EXOC6B: variants seen among roughly 807,000 people sequenced by gnomAD.
The protein encoded by EXOC6B is exocyst complex component 6B.
Under a neutral mutation model 113.5 loss-of-function variants are expected in EXOC6B, and 54 were observed. The observed-to-expected ratio is 0.48, with a 90% confidence interval of 0.38 to 0.60. The LOEUF (loss-of-function observed/expected upper bound fraction) is 0.60, where lower values mean the gene tolerates loss of function less well. Ranked by LOEUF, EXOC6B falls within the 20% of genes least tolerant of loss-of-function variation. The pLI is 0.00. For synonymous variants in EXOC6B, 357 were observed against 339.0 expected (o/e 1.05, Z -0.58); for missense variants, 797 against 977.5 (o/e 0.82, Z 2.46).
At chr2:72,642,521 C>T (rs1673336025) in intron 6 of EXOC6B, among the ~76,000 whole-genome samples, 1 of 148,314 alleles carries the variant, frequency 6.7e-6, no homozygotes, top group Admixed American at 6.8e-5. Context: ...GGAAAGGATT[C>T]CCTATTTAAT....
chr2:72,772,687 A>T (rs543222245), intron 1 of EXOC6B, among the ~76,000 whole-genome samples: 3 of 152,304 alleles, frequency 2.0e-5, no homozygotes, highest in African/African-American at 7.2e-5. Flanking sequence ...CCCAGGGACC[A>T]GGCCAGCCTA....
chr2:72,461,080 T>C (rs951301228), intron 18 of EXOC6B, among the ~76,000 whole-genome samples: 2 of 151,036 alleles, frequency 1.3e-5, no homozygotes, highest in African/African-American at 4.9e-5. Context: ...AAACTGGAAA[T>C]CATCATTCTC....
chr2:72,313,152 G>T (rs1687306163), intron 20 of EXOC6B, among the ~76,000 whole-genome samples: 1 of 151,968 alleles, frequency 6.6e-6, no homozygotes. Flanking sequence ...AACAATAGGG[G>T]TAACACATGG....
intron 19 of EXOC6B, among the ~76,000 whole-genome samples, chr2:72,346,738 TC>T (rs931605667): frequency 4.6e-5 from 7 of 152,276 alleles, no homozygotes; most frequent in Non-Finnish European, 1.0e-4. Context: ...AATATGTGGT[TC>T]CTTATGAAGG....
intron 20 of EXOC6B, among the ~76,000 whole-genome samples, chr2:72,277,234 T>C (rs1684857321): frequency 1.3e-5 from 2 of 152,178 alleles, no homozygotes; most frequent in African/African-American, 2.4e-5. Context: ...ATAAATTTTA[T>C]AAAAAAGTCC....
chr2:72,741,354 C>T lies in EXOC6B; in HGVS notation c.229G>A (p.Asp77Asn). Residue 77 changes from aspartate to asparagine, a missense_variant, in exon 2 of 22, where the codon GAC becomes AAC. By Grantham distance (23) the Asp-to-Asn change is conservative. Transcript: ENST00000272427. ...ACTTTCAGCAGTTCAGTTATAGAGT[C>T]CACAAAGCCCTGGTAATGAAAGTTG... ...MCNFHYQGFV[D>N]SITELLKVRG... 1 of 1,613,780 alleles carries T rather than the reference C, an allele frequency of 6.2e-7. No individual in the cohort carries two copies. Among genetic ancestry groups the T allele is most frequent in the Non-Finnish European group, 8.5e-7 (1 of 1,179,840 alleles).
chr2:72,525,795 G>A (rs1701721928), intron 8 of EXOC6B, among the ~76,000 whole-genome samples: 1 of 151,958 alleles, frequency 6.6e-6, no homozygotes, highest in African/African-American at 2.4e-5. Context: ...TTCTTCAGCG[G>A]TCCATAACAT....
chr2:72,306,528 A>C (rs1686868835), intron 20 of EXOC6B, among the ~76,000 whole-genome samples: 1 of 152,156 alleles, frequency 6.6e-6, no homozygotes, highest in Non-Finnish European at 1.5e-5. Context: ...ACTTTTCTCA[A>C]CTGTTAGATA....
chr2:72,327,208 TG>T (rs1440386762), intron 20 of EXOC6B, among the ~76,000 whole-genome samples: 3 of 152,046 alleles, frequency 2.0e-5, no homozygotes, highest in African/African-American at 7.2e-5. Flanking sequence ...CACATACAAT[TG>T]TGCAAAGAAC....
At chr2:72,202,715 A>C (rs187741067) in intron 20 of EXOC6B, among the ~76,000 whole-genome samples, 81 of 152,354 alleles carry the variant, frequency 5.3e-4, no homozygotes, top group Middle Eastern at 3.4e-3. Context: ...CTAAGGTGAC[A>C]CTGAAAAATC....
chr2:72,565,384 T>C (rs1704108005), intron 7 of EXOC6B, among the ~76,000 whole-genome samples: 1 of 137,610 alleles, frequency 7.3e-6, no homozygotes, highest in Non-Finnish European at 1.5e-5. Flanking sequence ...AGCTGAACAC[T>C]GGTGAAACAA....
intron 6 of EXOC6B, among the ~76,000 whole-genome samples, chr2:72,650,604 A>G (rs1674089680): frequency 2.8e-5 from 1 of 36,024 alleles, no homozygotes; most frequent in African/African-American, 7.0e-5. Flanking sequence ...AAAGAAAGGA[A>G]AAGAAAAGAA....
chr2:72,505,771 C>A (rs965566958), intron 11 of EXOC6B, among the ~76,000 whole-genome samples: 2 of 152,046 alleles, frequency 1.3e-5, no homozygotes, highest in Admixed American at 6.6e-5. Flanking sequence ...ATCTTGAATA[C>A]GTTTTGGAGG....
At chr2:72,287,432 AAAAAAAAAAAAT>A (rs1685505696) in intron 20 of EXOC6B, among the ~76,000 whole-genome samples, 1 of 66,632 alleles carries the variant, frequency 1.5e-5, no homozygotes, top group African/African-American at 2.0e-4. Flanking sequence ...CTTCATCTCA[AAAAAAAAAAAAT>A]AAAAATAAAA....
chr2:72,287,029 G>GA (rs1486384120), intron 20 of EXOC6B, among the ~76,000 whole-genome samples: 1 of 151,968 alleles, frequency 6.6e-6, no homozygotes, highest in Non-Finnish European at 1.5e-5. Context: ...AAAAAATAAA[G>GA]ACTGAAGAAG....
At chr2:72,212,784 T>C (rs975839131) in intron 20 of EXOC6B, among the ~76,000 whole-genome samples, 1 of 152,202 alleles carries the variant, frequency 6.6e-6, no homozygotes, top group Non-Finnish European at 1.5e-5. Context: ...TAGTACATGA[T>C]GCTTAGGTTA....
chr2:72,680,542 C>A (rs986839048), intron 6 of EXOC6B, among the ~76,000 whole-genome samples: 12 of 152,220 alleles, frequency 7.9e-5, no homozygotes, highest in African/African-American at 2.9e-4. Context: ...AGTTTGAGAC[C>A]AGCCTAGCCA....
intron 18 of EXOC6B, among the ~76,000 whole-genome samples, chr2:72,381,678 A>G (rs1414074688): frequency 6.6e-6 from 1 of 152,172 alleles, no homozygotes; most frequent in Non-Finnish European, 1.5e-5. Flanking sequence ...GCATATGCTT[A>G]TATGTGAAGA....
chr2:72,469,971 T>C (rs926430553), intron 17 of EXOC6B, among the ~76,000 whole-genome samples: 24 of 152,282 alleles, frequency 1.6e-4, no homozygotes, highest in Middle Eastern at 3.4e-3. Context: ...TTTCTAATAC[T>C]AATCATTCAC....
Sources: allele counts gnomAD v4.1 joint callset (sites outside exome capture counted in the v4.1 genomes callset), GRCh38; gene constraint gnomAD v4.1.1; transcripts MANE v1.5; gene names NCBI Gene and HGNC (gene_info 2026-07-23, HGNC 2026-07-21).